The following CHD6 variants were observed in gnomAD, a reference collection of about 807,000 sequenced individuals.
CHD6 encodes the protein ATP-dependent chromatin remodeler CHD6.
In CHD6, 50 loss-of-function variants were observed where a neutral mutation model predicts 276.9. The observed-to-expected ratio is 0.18, with a 90% CI of 0.14 to 0.23. CHD6 has a LOEUF of 0.23. Among genes scored for constraint, CHD6 ranks in the 10% least tolerant of loss-of-function variants. The pLI is 1.00. For synonymous variants in CHD6, 1,173 were observed against 1,229.3 expected, an observed-to-expected ratio of 0.95 and a Z score of 0.96; for missense variants, 2,564 against 3,365.8, an observed-to-expected ratio of 0.76 and a Z score of 5.89.
intron 1 of CHD6, chr20:41,564,037 G>A (rs892661993): frequency 1.3e-6 from 1 of 778,902 alleles, no homozygotes. Context: ...GAAGATATCT[G>A]GGTTCTGAAC....
At chr20:41,518,420 T>C (rs2044303450) in intron 3 of CHD6, among the ~76,000 whole-genome samples, 1 of 152,122 alleles carries the variant, frequency 6.6e-6, no homozygotes, top group African/African-American at 2.4e-5. Flanking sequence ...ACTAGGAGAC[T>C]TGTGTGCATT....
chr20:41,578,110 C>T (rs1459325591), intron 1 of CHD6, among the ~76,000 whole-genome samples: 7 of 152,130 alleles, frequency 4.6e-5, no homozygotes, highest in African/African-American at 1.7e-4. Flanking sequence ...TCATACTCCT[C>T]AACCAAATAA....
chr20:41,495,121 T>C (rs147959055), intron 8 of CHD6, among the ~76,000 whole-genome samples: 270 of 152,222 alleles, frequency 1.8e-3, no homozygotes, highest in African/African-American at 6.1e-3. Context: ...CTAATACTTA[T>C]GGAGTAGTGC....
At chr20:41,539,129 C>T (rs2044891649) in intron 2 of CHD6, among the ~76,000 whole-genome samples, 1 of 152,188 alleles carries the variant, frequency 6.6e-6, no homozygotes, top group Admixed American at 6.5e-5. Context: ...CTAATGAAGG[C>T]TTTGATCCAT....
chr20:41,462,297 C>T (rs1008619417), intron 17 of CHD6, among the ~76,000 whole-genome samples: 8 of 152,196 alleles, frequency 5.3e-5, no homozygotes, highest in African/African-American at 1.9e-4. Context: ...AATATCAGTA[C>T]TCATTTGATT....
At chr20:41,590,673 C>T (rs936357810) in intron 1 of CHD6, among the ~76,000 whole-genome samples, 1 of 152,166 alleles carries the variant, frequency 6.6e-6, no homozygotes, top group Non-Finnish European at 1.5e-5. Flanking sequence ...CCATCTCACA[C>T]CAGTTAGAAT....
intron 17 of CHD6, among the ~76,000 whole-genome samples, chr20:41,465,947 G>A (rs2042910099): frequency 6.6e-6 from 1 of 152,186 alleles, no homozygotes. Context: ...GGTCACGACT[G>A]TAATCCCAGC....
At position 41,497,244 on chromosome 20, in the gene CHD6, T is replaced by C. The variant is rs2043709849; in HGVS notation, c.1092+140A>G. ...TTGACTTGAATCTAGACTAGTTTTG[T>C]TGCAAATCAGCACACATTTATCAAT... On this transcript the variant is annotated intron_variant, in intron 8 of 36. Transcript: ENST00000373233. 3 of 656,720 alleles carry C rather than the reference T, an allele frequency of 4.6e-6. No homozygotes were observed. The East Asian group carries it at 8.0e-5, about 18-fold the overall frequency. 40.7% of individuals were successfully genotyped at this position (656,720 alleles called of 1,614,324 possible). A position where few individuals can be genotyped will look rare whatever the true frequency, so the allele number is the denominator to read the frequency against.
chr20:41,615,663 T>C (rs2045928330), intron 1 of CHD6, among the ~76,000 whole-genome samples: 1 of 152,246 alleles, frequency 6.6e-6, no homozygotes, highest in Non-Finnish European at 1.5e-5. Flanking sequence ...ATACCAAAGA[T>C]ATTTCTGCAG....
chr20:41,492,967 T>C (rs539988644), intron 10 of CHD6, among the ~76,000 whole-genome samples: 6 of 152,308 alleles, frequency 3.9e-5, no homozygotes, highest in African/African-American at 1.2e-4. Context: ...CTTTTAATTG[T>C]TGGATAATCT....
chr20:41,603,809 C>A (rs1261410075), intron 1 of CHD6, among the ~76,000 whole-genome samples: 1 of 152,146 alleles, frequency 6.6e-6, no homozygotes, highest in African/African-American at 2.4e-5. Flanking sequence ...GCAGAGGCTG[C>A]AGTGAGCCGA....
chr20:41,419,554 CAAAAAAAAAAAAAAAAAAAAAA>C (rs58696183), intron 31 of CHD6, among the ~76,000 whole-genome samples: 7 of 23,442 alleles, frequency 3.0e-4, no homozygotes, highest in African/African-American at 6.4e-4. Context: ...GACTCTGTCT[CAAAAAAAAAAAAAAAAAAAAAA>C]AAAAAAAAAA....
chr20:41,498,811 ATGTGTGTGTG>A (rs71193638), intron 6 of CHD6, among the ~76,000 whole-genome samples: 43 of 86,606 alleles, frequency 5.0e-4, no homozygotes, highest in South Asian at 1.4e-3. Flanking sequence ...GTATGTATGT[ATGTGTGTGTG>A]TGTGTGTGTG....
intron 5 of CHD6, 120 bp downstream of exon 5, chr20:41,512,726 G>T: frequency 1.8e-6 from 2 of 1,138,160 alleles, no homozygotes; most frequent in Non-Finnish European, 2.6e-6. Flanking sequence ...TCAATCGAAG[G>T]CCACAAGCAG....
chr20:41,422,730 C>T (rs371240310), intron 30 of CHD6, among the ~76,000 whole-genome samples: 1 of 152,210 alleles, frequency 6.6e-6, no homozygotes, highest in African/African-American at 2.4e-5. Context: ...CCTTGCTCCA[C>T]GTGACAGAAC....
chr20:41,418,305 C>T (rs6029669), intron 31 of CHD6, among the ~76,000 whole-genome samples: 55,076 of 151,838 alleles, frequency 0.36, 10,480 homozygotes, highest in African/African-American at 0.48. Flanking sequence ...AGAAACAAGA[C>T]GCCATGATAG....
Position 41,571,649 on chromosome 20 carries a change from A to G in CHD6, c.-23-20289T>C, listed in dbSNP as rs182394165. ...TTAGTATTTTTGTTGAATGAATTAG[A>G]TATCTATTTTTAGACATTAAGTTAG... On this transcript the variant is annotated intron_variant, in intron 1 of 36. Coordinates refer to ENST00000373233, the MANE Select transcript of CHD6 (RefSeq NM_032221.5). Among the ~76,000 whole-genome samples, 5 of 151,770 alleles carry G rather than the reference A, an allele frequency of 3.3e-5. 1 individual carries two copies. Among genetic ancestry groups the G allele is most frequent in the South Asian group, 4.2e-4 (2 of 4,802 alleles).
At chr20:41,503,799 T>G (rs1327844484) in intron 5 of CHD6, among the ~76,000 whole-genome samples, 2 of 152,022 alleles carry the variant, frequency 1.3e-5, no homozygotes, top group African/African-American at 4.8e-5. Flanking sequence ...AACTTTCGGC[T>G]GGGTGCAGTG....
At chr20:41,450,087 T>C (rs1312477644) in intron 23 of CHD6, among the ~76,000 whole-genome samples, 3 of 152,022 alleles carry the variant, frequency 2.0e-5, no homozygotes, top group Admixed American at 2.0e-4. Flanking sequence ...TTTGAGGTGA[T>C]CAAGGGAAAG....
Sources: gnomAD v4.1 joint callset for allele counts (sites outside exome capture counted in the v4.1 genomes callset) on GRCh38, gnomAD v4.1.1 for gene constraint, MANE v1.5 for transcripts, NCBI Gene and HGNC (gene_info 2026-07-23, HGNC 2026-07-21) for gene names.